The following CDK5RAP2 variants were observed in gnomAD, a reference collection of about 807,000 sequenced individuals.
CDK5RAP2 encodes CDK5 regulatory subunit associated protein 2, also known as CDK5 regulatory subunit-associated protein 2.
In CDK5RAP2, 147 loss-of-function variants were observed where a neutral mutation model predicts 232.9. The observed-to-expected ratio is 0.63, with a 90% CI of 0.55 to 0.72. The LOEUF (loss-of-function observed/expected upper bound fraction) is 0.72. Ranked by LOEUF, CDK5RAP2 falls within the 30% of genes least tolerant of loss-of-function variation. The probability of loss-of-function intolerance (pLI) is 0.00; values close to 1 mark genes in which losing one functional copy is unlikely to be tolerated. For missense variants in CDK5RAP2, 2,195 were observed against 2,231.5 expected (o/e 0.98, Z 0.33); for synonymous variants, 833 against 833.7 (o/e 1.00, Z 0.01).
At position 120,394,590 on chromosome 9, in the gene CDK5RAP2, C is replaced by G; in HGVS notation, c.5500G>C (p.Glu1834Gln). The G allele has an allele frequency of 6.2e-7, 1 of 1,614,120 alleles. No individual in the cohort carries two copies. Among genetic ancestry groups the G allele is most frequent in the Non-Finnish European group, 8.5e-7 (1 of 1,180,012 alleles). Reference sequence around the variant, plus strand: ...GTGTTTTGCAACTTCTTTTCTTGTTCAAACAATTTTTTATGTAGTTTGGTG... The same window carrying G: ...GTGTTTTGCAACTTCTTTTCTTGTTGAAACAATTTTTTATGTAGTTTGGTG... The part of the protein sequence containing the change: ...EVTKLHKKLF[E>Q]QEKKLQNTMK... The change falls in exon 36 of 38, where the codon GAA (glutamate) becomes CAA (glutamine). Residue 1834 changes from glutamate (E) to glutamine (Q), a missense_variant. Coordinates refer to ENST00000349780, the MANE Select transcript of CDK5RAP2 (RefSeq NM_018249.6).
At chr9:120,491,071 G>C (rs762478681) in intron 13 of CDK5RAP2, among the ~76,000 whole-genome samples, 15 of 152,172 alleles carry the variant, frequency 9.9e-5, no homozygotes, top group Admixed American at 2.6e-4. Context: ...TGTGAATCCA[G>C]GCTCTGCTAT....
chr9:120,446,860 A>C (rs945015694), intron 22 of CDK5RAP2, among the ~76,000 whole-genome samples: 2 of 152,138 alleles, frequency 1.3e-5, no homozygotes, highest in African/African-American at 4.8e-5. Context: ...TCTAGCATTC[A>C]TGACATAAGC....
intron 26 of CDK5RAP2, among the ~76,000 whole-genome samples, chr9:120,421,708 C>G: frequency 6.6e-6 from 1 of 152,230 alleles, no homozygotes. Context: ...AGAAATTATA[C>G]AATTCATGTA....
intron 25 of CDK5RAP2, among the ~76,000 whole-genome samples, chr9:120,435,855 G>T (rs28789156): frequency 0.089 from 13,462 of 152,108 alleles, 1,240 homozygotes; most frequent in African/African-American, 0.24. Flanking sequence ...GGAATTAATA[G>T]AGAATGCATT....
At chr9:120,401,786 C>G (rs568709892) in intron 34 of CDK5RAP2, among the ~76,000 whole-genome samples, 4 of 152,010 alleles carry the variant, frequency 2.6e-5, no homozygotes, top group Admixed American at 6.5e-5. Flanking sequence ...GAGTTCAAGA[C>G]CAGCCTGCCC....
rs1249718059 is a variant in CDK5RAP2 at position 120,518,206 on chromosome 9, TGTGTGAGAGAGAGA to T, written c.1311+207_1311+220del. Among the ~76,000 whole-genome samples the T allele has an allele frequency of 7.4e-5, 8 of 108,840 alleles. 1 individual carries two copies. Among genetic ancestry groups the T allele is most frequent in the Admixed American group, 5.2e-4 (5 of 9,670 alleles). 71.4% of individuals were successfully genotyped at this position (108,840 alleles called of 152,430 possible). Reference sequence around the variant, plus strand: ...GTGTGTGTGTGTGTGTGTGTGTGTGTGTGTGAGAGAGAGAGAGAGAGAGAGAGAGAGAGAGAGCG... The same window carrying T: ...GTGTGTGTGTGTGTGTGTGTGTGTGTGAGAGAGAGAGAGAGAGAGAGAGCG... On this transcript the variant is annotated intron_variant, in intron 12 of 37. Coordinates refer to ENST00000349780, the MANE Select transcript of CDK5RAP2 (RefSeq NM_018249.6).
rs2031649700 is a variant in CDK5RAP2, at chr9:120,388,919, C to G, written c.*317G>C. The G allele has an allele frequency of 9.3e-6, 4 of 430,000 alleles. No individual in the cohort carries two copies. Among genetic ancestry groups the G allele is most frequent in the Non-Finnish European group, 1.7e-5 (4 of 241,888 alleles). 26.6% of individuals were successfully genotyped at this position (430,000 alleles called of 1,614,324 possible). A position where few individuals can be genotyped will look rare whatever the true frequency, so the allele number is the denominator to read the frequency against. On this transcript the variant is annotated 3_prime_UTR_variant, in exon 38 of 38. Coordinates refer to ENST00000349780, the MANE Select transcript of CDK5RAP2 (RefSeq NM_018249.6). ...TAATGAGAATCTTCAAACTGTGGCA[C>G]TGGCTGAGTACTAAGCAAATCCAGG...
intron 3 of CDK5RAP2, among the ~76,000 whole-genome samples, chr9:120,553,969 T>C (rs1333839559): frequency 6.6e-6 from 1 of 152,158 alleles, no homozygotes; most frequent in Non-Finnish European, 1.5e-5. Flanking sequence ...TACTAGTCTA[T>C]AGTTAATATG....
intron 16 of CDK5RAP2, among the ~76,000 whole-genome samples, chr9:120,470,635 G>A (rs1011273326): frequency 4.6e-5 from 7 of 151,632 alleles, no homozygotes; most frequent in African/African-American, 1.7e-4. Context: ...GGAGATAAAA[G>A]TGTCTGATCA....
At chr9:120,535,212 C>G in intron 7 of CDK5RAP2, among the ~76,000 whole-genome samples, 1 of 152,182 alleles carries the variant, frequency 6.6e-6, no homozygotes, top group Non-Finnish European at 1.5e-5. Flanking sequence ...CTCGCACCTC[C>G]AAATGCTGAA....
chr9:120,485,189 C>G (rs1234003412), intron 14 of CDK5RAP2, among the ~76,000 whole-genome samples: 2 of 151,888 alleles, frequency 1.3e-5, no homozygotes, highest in Admixed American at 6.6e-5. Context: ...AAGTACATCA[C>G]CCAGCACAAA....
intron 12 of CDK5RAP2, among the ~76,000 whole-genome samples, chr9:120,497,021 T>C (rs1322473646): frequency 3.0e-5 from 4 of 135,062 alleles, no homozygotes; most frequent in African/African-American, 1.3e-4. Flanking sequence ...CGTGTCTGTG[T>C]AGAAAGAAGT....
chr9:120,409,374 T>C, intron 29 of CDK5RAP2, 58 bp from the exon 30 acceptor site: 2 of 1,238,832 alleles, frequency 1.6e-6, no homozygotes, highest in South Asian at 1.3e-5. Context: ...TCCAACCTTA[T>C]TATATAAATA....
intron 22 of CDK5RAP2, 68 bp downstream of exon 22, chr9:120,447,827 G>C (rs1223651313): frequency 2.1e-5 from 23 of 1,109,014 alleles, no homozygotes; most frequent in Non-Finnish European, 3.1e-5. Flanking sequence ...CAACAAGGTT[G>C]ACATTTCAAG....
chr9:120,546,794 C>T (rs2041859014), intron 4 of CDK5RAP2, among the ~76,000 whole-genome samples: 1 of 151,930 alleles, frequency 6.6e-6, no homozygotes, highest in Non-Finnish European at 1.5e-5. Context: ...CTGCCACACC[C>T]GTCTTTTCGT....
intron 5 of CDK5RAP2, 60 bp downstream of exon 5, chr9:120,545,654 A>G (rs2041810596): frequency 2.4e-6 from 3 of 1,263,142 alleles, no homozygotes; most frequent in Non-Finnish European, 3.5e-6. Flanking sequence ...GTACGGCTCT[A>G]TTTCACTGAC....
chr9:120,415,161 T>C lies in CDK5RAP2; in HGVS notation c.4178-2A>G. On this transcript the variant is annotated splice_acceptor_variant, in intron 27 of 37. Coordinates refer to ENST00000349780, the MANE Select transcript of CDK5RAP2 (RefSeq NM_018249.6). LOFTEE classifies it high-confidence loss of function. ...CCTGTATGTGTTCCATTAGTAAGTC[T>C]ACAGGAAGGAAGCCATTTTTAATTT... 6.2e-7 allele frequency: 1 copy of C among 1,614,060 alleles called. No homozygotes were observed.
chr9:120,439,678 C>T lies in CDK5RAP2; in HGVS notation c.3443G>A (p.Cys1148Tyr). The change falls in exon 24 of 38, where the codon TGT becomes TAT. Residue 1148 changes from cysteine (C) to tyrosine (Y), a missense_variant. Physicochemically the swap from Cys to Tyr is radical, Grantham distance 194. Transcript: ENST00000349780. ...QCSEAIITVLCGTEGAQDGLS... is the reference protein window; with the variant it reads ...QCSEAIITVLYGTEGAQDGLS... Reference sequence around the variant, plus strand: ...GCCATCCTGGGCCCCTTCTGTCCCACACAAAACTGTAATTATGGCCTCACT... The same window carrying T: ...GCCATCCTGGGCCCCTTCTGTCCCATACAAAACTGTAATTATGGCCTCACT... The T allele has an allele frequency of 6.2e-7, 1 of 1,614,238 alleles. No individual in the cohort carries two copies. Among genetic ancestry groups the T allele is most frequent in the East Asian group, 2.2e-5 (1 of 44,878 alleles).
At chr9:120,511,286 C>G (rs2131786493) in intron 12 of CDK5RAP2, among the ~76,000 whole-genome samples, 1 of 152,342 alleles carries the variant, frequency 6.6e-6, no homozygotes, top group Non-Finnish European at 1.5e-5. Flanking sequence ...AAAACCAGGA[C>G]TGCTTGATCT....
Sources: allele counts gnomAD v4.1 joint callset (sites outside exome capture counted in the v4.1 genomes callset), GRCh38; gene constraint gnomAD v4.1.1; transcripts MANE v1.5; gene names NCBI Gene and HGNC (gene_info 2026-07-23, HGNC 2026-07-21).